The following VPS33A variants were observed in gnomAD, a reference collection of about 807,000 sequenced individuals.
VPS33A encodes the protein VPS33A core subunit of CORVET and HOPS complexes.
A neutral mutation model predicts 71.8 loss-of-function variants in VPS33A; 32 were observed. The observed-to-expected ratio is 0.45, with a 90% CI of 0.34 to 0.60. The LOEUF is 0.60. Ranked by LOEUF, VPS33A falls within the 20% of genes least tolerant of loss-of-function variation. VPS33A has a pLI of 0.02. For synonymous variants in VPS33A, 311 were observed against 292.7 expected, an observed-to-expected ratio of 1.06 and a Z score of -0.64; for missense variants, 625 against 748.5, an observed-to-expected ratio of 0.84 and a Z score of 1.92.
In VPS33A at chr12:122,260,961, C is replaced by T. The variant is rs924922284; in HGVS notation, c.483+300G>A. On this transcript the variant is annotated intron_variant, in intron 4 of 12. Transcript: ENST00000267199. ...CTGCGCTCCAGCCCGGGCGACAGAG[C>T]GAGACTCCGTCTCAAAAAAACAAAA... 2.6e-5 allele frequency among the ~76,000 whole-genome samples: 4 copies of T among 152,140 alleles called. No homozygotes were observed. In the South Asian group the frequency reaches 6.2e-4, roughly 24 times the overall value.
chr12:122,260,644 A>C (rs1954980886), intron 4 of VPS33A, among the ~76,000 whole-genome samples: 1 of 152,174 alleles, frequency 6.6e-6, no homozygotes, highest in Admixed American at 6.5e-5. Context: ...TAAAATTTTA[A>C]AATTTAACTA....
chr12:122,249,909 T>C lies in VPS33A; in HGVS notation c.737A>G (p.Tyr246Cys), dbSNP rs761490360. The change falls in exon 6 of 13, where the codon TAT becomes TGT. Residue 246 changes from tyrosine to cysteine, a missense_variant. Coordinates refer to ENST00000267199, the MANE Select transcript of VPS33A (RefSeq NM_022916.6). ...ATAAATTTCATCAATGAGTCCTTCA[T>C]ATGTCAGCTGAGTGGCAAGAGGTGT... ...LLTPLATQLT[Y>C]EGLIDEIYGI... 5.0e-6 allele frequency: 8 copies of C among 1,613,936 alleles called. No individual in the cohort carries two copies. The highest frequency in any genetic ancestry group is 6.8e-6 in the Non-Finnish European group (8 of 1,180,026).
chr12:122,235,194 A>C (rs1954613352), intron 11 of VPS33A, among the ~76,000 whole-genome samples: 1 of 151,514 alleles, frequency 6.6e-6, no homozygotes, highest in Admixed American at 6.6e-5. Context: ...TCCTGGACTC[A>C]AGCGATCTGA....
At position 122,232,360 on chromosome 12, in the gene VPS33A, A is replaced by G; in HGVS notation, c.1677T>C (p.Ala559=). 6.2e-7 allele frequency: 1 copy of G among 1,614,236 alleles called. No homozygotes were observed. Among genetic ancestry groups the G allele is most frequent in the South Asian group, 1.1e-5 (1 of 91,086 alleles). ...CCAACTGGGAGAGAAATCGCAGGGC[A>G]GCAATTTCAGCGAAGGTTACGCCCC... ...FLGGVTFAEI[A]ALRFLSQLED... Residue 559 remains alanine, a synonymous_variant, in exon 13 of 13, where the codon GCT becomes GCC. Transcript: ENST00000267199.
At chr12:122,254,707 A>C (rs887725344) in intron 4 of VPS33A, among the ~76,000 whole-genome samples, 3 of 152,110 alleles carry the variant, frequency 2.0e-5, no homozygotes, top group African/African-American at 7.2e-5. Flanking sequence ...TGTCCGGCCA[A>C]AACAGCATCT....
At chr12:122,251,144 C>A in intron 4 of VPS33A, 45 bp from the exon 5 acceptor site, 1 of 1,360,706 alleles carries the variant, frequency 7.3e-7, no homozygotes, top group Non-Finnish European at 1.0e-6. Flanking sequence ...GGGGGCCTCC[C>A]AGGGGCCCAT....
At position 122,239,859 on chromosome 12, in the gene VPS33A, G is replaced by C. The variant is rs756238233; in HGVS notation, c.1164+19C>G. On this transcript the variant is annotated intron_variant, in intron 9 of 12. Transcript: ENST00000267199. ...TAAGCTTTCAATTACTTGTTAAAGA[G>C]GTTTTTTTGTCCACATACCTTATCA... 1 of 1,588,046 alleles carries C rather than the reference G, an allele frequency of 6.3e-7. No homozygotes were observed. Among genetic ancestry groups the C allele is most frequent in the South Asian group, 1.1e-5 (1 of 89,328 alleles).
rs1292075310 is a variant in VPS33A at position 122,250,005 on chromosome 12, G to A, written c.641C>T (p.Thr214Ile). The A allele has an allele frequency of 1.9e-6, 3 of 1,613,878 alleles. No individual in the cohort carries two copies. Among genetic ancestry groups the A allele is most frequent in the Non-Finnish European group, 1.7e-6 (2 of 1,179,922 alleles). ...NMMIRMKREF[T>I]GSQNSIFPVF... Reference sequence around the variant, plus strand: ...AGGAAATATTGAATTCTGGCTTCCTGTAAACTCTCTCTTCATCCTGATCAT... The same window carrying A: ...AGGAAATATTGAATTCTGGCTTCCTATAAACTCTCTCTTCATCCTGATCAT... The change falls in exon 6 of 13, where the codon ACA becomes ATA. Residue 214 changes from threonine to isoleucine, a missense_variant. By Grantham distance (89) the Thr-to-Ile change is moderately conservative. Transcript: ENST00000267199.
intron 11 of VPS33A, among the ~76,000 whole-genome samples, chr12:122,233,590 G>T (rs1023448371): frequency 6.6e-6 from 1 of 152,152 alleles, no homozygotes; most frequent in Non-Finnish European, 1.5e-5. Context: ...AATAACCTTT[G>T]AACTTAGCAA....
At chr12:122,251,241 G>A in intron 4 of VPS33A, 142 bp from the exon 5 acceptor site, 1 of 633,674 alleles carries the variant, frequency 1.6e-6, no homozygotes, top group Non-Finnish European at 2.7e-6. Flanking sequence ...GGGGACTCAA[G>A]TTCATTTTCC....
chr12:122,260,284 GTTT>G (rs879771128), intron 4 of VPS33A, among the ~76,000 whole-genome samples: 1 of 146,030 alleles, frequency 6.8e-6, no homozygotes, highest in African/African-American at 2.5e-5. Flanking sequence ...GGCATTGTGA[GTTT>G]TTTTTTTTGT....
At chr12:122,246,224 G>A (rs1167726408) in intron 6 of VPS33A, among the ~76,000 whole-genome samples, 4 of 152,230 alleles carry the variant, frequency 2.6e-5, no homozygotes, top group Non-Finnish European at 5.9e-5. Flanking sequence ...GCTGGGCACA[G>A]TGGCTCACGC....
intron 12 of VPS33A, 74 bp from the exon 13 acceptor site, chr12:122,232,501 A>G: frequency 5.7e-6 from 8 of 1,412,172 alleles, no homozygotes; most frequent in Non-Finnish European, 7.6e-6. Flanking sequence ...CAAACATTTT[A>G]TCATTCATAA....
At chr12:122,239,779 A>AAAAAAAAAAAAAAAAAAAAAAAAAAAAAT in intron 9 of VPS33A, 99 bp downstream of exon 9, 1 of 507,360 alleles carries the variant, frequency 2.0e-6, no homozygotes, top group Non-Finnish European at 3.4e-6. Flanking sequence ...AAAAAAAAAA[A>AAAAAAAAAAAAAAAAAAAAAAAAAAAAAT]GGCAAGGCAT....
Position 122,254,654 on chromosome 12 carries a change from G to A in VPS33A, c.484-3555C>T, listed in dbSNP as rs140633210. Among the ~76,000 whole-genome samples the A allele has an allele frequency of 3.6e-3, 549 of 152,106 alleles. 2 individuals are homozygous for A. The highest frequency in any genetic ancestry group is 0.013 in the African/African-American group (527 of 41,512). On this transcript the variant is annotated intron_variant, in intron 4 of 12. Coordinates refer to ENST00000267199, the MANE Select transcript of VPS33A (RefSeq NM_022916.6). Reference sequence around the variant, plus strand: ...TCGAACTACTGACCATAGATGATCCGCCCACCTCAGCCTCCCAAAGTGCTG... The same window carrying A: ...TCGAACTACTGACCATAGATGATCCACCCACCTCAGCCTCCCAAAGTGCTG...
intron 4 of VPS33A, among the ~76,000 whole-genome samples, chr12:122,251,775 G>A (rs1954846863): frequency 6.6e-6 from 1 of 151,970 alleles, no homozygotes; most frequent in Non-Finnish European, 1.5e-5. Context: ...GGCCTGTCGT[G>A]GGGTGGGGGA....
chr12:122,258,764 T>G (rs1243752768), intron 4 of VPS33A, among the ~76,000 whole-genome samples: 1 of 151,966 alleles, frequency 6.6e-6, no homozygotes, highest in African/African-American at 2.4e-5. Flanking sequence ...GTGGATCACC[T>G]GAGGTCAGGA....
chr12:122,243,151 G>A (rs958555077), intron 7 of VPS33A, among the ~76,000 whole-genome samples: 1 of 152,100 alleles, frequency 6.6e-6, no homozygotes, highest in Non-Finnish European at 1.5e-5. Context: ...ACAAATTTCT[G>A]AGTAAAAAAC....
intron 6 of VPS33A, 135 bp from the exon 7 acceptor site, chr12:122,244,897 G>C: frequency 1.3e-6 from 1 of 796,820 alleles, no homozygotes; most frequent in Non-Finnish European, 1.9e-6. Flanking sequence ...CTGAGCTTTT[G>C]ATTTTCCATG....
Sources: allele counts gnomAD v4.1 joint callset (sites outside exome capture counted in the v4.1 genomes callset), GRCh38; gene constraint gnomAD v4.1.1; transcripts MANE v1.5; gene names NCBI Gene and HGNC (gene_info 2026-07-23, HGNC 2026-07-21).